Variants in PLEKHS1 observed in about 807,000 individuals in gnomAD.
The protein encoded by PLEKHS1 is pleckstrin homology domain containing S1, also known as pleckstrin homology domain-containing family S member 1.
A neutral mutation model predicts 51.0 loss-of-function variants in PLEKHS1; 55 were observed. That is an observed-to-expected ratio of 1.08 (90% CI 0.87 to 1.35). The LOEUF (loss-of-function observed/expected upper bound fraction) is 1.35. Ranked by LOEUF, PLEKHS1 falls within the 40% of genes most tolerant of loss-of-function variation. The pLI is 0.00. For missense variants in PLEKHS1, 398 were observed against 423.0 expected, an observed-to-expected ratio of 0.94 and a Z score of 0.52; for synonymous variants, 153 against 144.8, an observed-to-expected ratio of 1.06 and a Z score of -0.41.
At chr10:113,769,309 T>C (rs1471177542) in intron 6 of PLEKHS1, among the ~76,000 whole-genome samples, 1 of 152,260 alleles carries the variant, frequency 6.6e-6, no homozygotes, top group Non-Finnish European at 1.5e-5. Context: ...TTAGCAGTTT[T>C]AAGTTTTAAA....
At chr10:113,763,431 C>T (rs549420530) in intron 2 of PLEKHS1, among the ~76,000 whole-genome samples, 2 of 152,168 alleles carry the variant, frequency 1.3e-5, no homozygotes, top group African/African-American at 2.4e-5. Context: ...AGACCATTTA[C>T]GTTTAACATA....
intron 2 of PLEKHS1, among the ~76,000 whole-genome samples, chr10:113,762,365 C>CTTTTTTTTTTTTTTT (rs34457408): frequency 5.8e-4 from 36 of 61,786 alleles, no homozygotes; most frequent in East Asian, 1.5e-3. Flanking sequence ...AGATTTGTTC[C>CTTTTTTTTTTTTTTT]TTTTTTTTTT....
intron 2 of PLEKHS1, among the ~76,000 whole-genome samples, chr10:113,757,348 A>C (rs768434738): frequency 1.3e-5 from 2 of 152,222 alleles, no homozygotes; most frequent in Non-Finnish European, 2.9e-5. Context: ...GAGATATTTC[A>C]AGTTTGTTTC....
exon 12 of PLEKHS1, chr10:113,780,611 C>A: frequency 6.2e-7 from 1 of 1,613,220 alleles, no homozygotes; most frequent in Non-Finnish European, 8.5e-7. Flanking sequence ...GAAATTAAAG[C>A]TTACCATCGG....
intron 2 of PLEKHS1, among the ~76,000 whole-genome samples, chr10:113,759,814 G>A (rs992520180): frequency 3.3e-5 from 5 of 152,070 alleles, no homozygotes; most frequent in African/African-American, 1.2e-4. Context: ...TCATATGGTT[G>A]GAGTATGCTT....
At chr10:113,770,012 A>G in intron 7 of PLEKHS1, 112 bp downstream of exon 7, 1 of 784,522 alleles carries the variant, frequency 1.3e-6, no homozygotes, top group Admixed American at 1.8e-5. Flanking sequence ...TCAAAGCCCG[A>G]TGCACTATAA....
chr10:113,772,066 A>T (rs907835148), exon 8 of PLEKHS1: 1 of 1,612,794 alleles, frequency 6.2e-7, no homozygotes, highest in Non-Finnish European at 8.5e-7. Flanking sequence ...TCATTATCTT[A>T]CTCCTCGAAG....
intron 1 of PLEKHS1, among the ~76,000 whole-genome samples, chr10:113,752,610 G>T (rs1237788124): frequency 6.6e-6 from 1 of 152,162 alleles, no homozygotes; most frequent in Non-Finnish European, 1.5e-5. Context: ...GAGGTGTAGA[G>T]AAGTATTATA....
chr10:113,771,995 G>A lies in PLEKHS1; in HGVS notation c.578G>A (p.Gly193Glu), dbSNP rs1033066474. ...CATTTAATGGAACAAAGTTCTCCAG[G>A]ATTTAGGCAAACTCACCTACAAGAT... is the stretch of plus-strand genomic sequence containing the variant. Residue 193 changes from glycine (G) to glutamate (E), a missense_variant, in exon 8 of 12, where the codon GGA becomes GAA. Transcript: ENST00000361048. 6 of 1,613,022 alleles carry A rather than the reference G, an allele frequency of 3.7e-6. No individual in the cohort carries two copies. The highest frequency in any genetic ancestry group is 1.3e-5 in the African/African-American group (1 of 74,872).
chr10:113,756,062 AAGTTT>A (rs1301578899), intron 2 of PLEKHS1, among the ~76,000 whole-genome samples: 1 of 152,210 alleles, frequency 6.6e-6, no homozygotes, highest in Non-Finnish European at 1.5e-5. Context: ...TAGAAAAGCT[AAGTTT>A]AGGATGAAGT....
At chr10:113,754,980 T>C (rs2134461587) in intron 1 of PLEKHS1, among the ~76,000 whole-genome samples, 1 of 152,116 alleles carries the variant, frequency 6.6e-6, no homozygotes, top group South Asian at 2.1e-4. Flanking sequence ...ACAGAGAAAA[T>C]CCCAGGAAGA....
intron 8 of PLEKHS1, among the ~76,000 whole-genome samples, chr10:113,773,815 T>A (rs1844527567): frequency 6.6e-6 from 1 of 152,224 alleles, no homozygotes; most frequent in Non-Finnish European, 1.5e-5. Flanking sequence ...TGAAGCCACT[T>A]GGGCTGCCTG....
chr10:113,777,950 A>G (rs1231606763), intron 11 of PLEKHS1: 2 of 409,316 alleles, frequency 4.9e-6, no homozygotes, highest in East Asian at 1.2e-4. Flanking sequence ...TGATTGCACC[A>G]CTGCACTCCA....
At chr10:113,783,252 CAT>C (rs938699983), downstream of PLEKHS1, 76 of 150,442 alleles carry the variant, frequency 5.1e-4, no homozygotes, top group African/African-American at 1.7e-3. Flanking sequence ...AAAAAAAAAT[CAT>C]GTGGGTATTG....
chr10:113,778,643 CT>C (rs55821501), intron 11 of PLEKHS1, among the ~76,000 whole-genome samples: 4,892 of 127,020 alleles, frequency 0.039, 187 homozygotes, highest in African/African-American at 0.13. Context: ...CGTTCACTTT[CT>C]TTTTTTTTTT....
At chr10:113,768,276 G>A (rs1844251365) in intron 5 of PLEKHS1, among the ~76,000 whole-genome samples, 1 of 152,156 alleles carries the variant, frequency 6.6e-6, no homozygotes, top group Admixed American at 6.5e-5. Flanking sequence ...CTGCTTGAGG[G>A]AGAGGCAAAG....
At chr10:113,777,681 A>G in intron 11 of PLEKHS1, 1 of 1,529,210 alleles carries the variant, frequency 6.5e-7, no homozygotes, top group Non-Finnish European at 8.8e-7. Flanking sequence ...ACTGGCACAT[A>G]TTAGGTGCTC....
chr10:113,777,228 C>T (rs1303477293), intron 11 of PLEKHS1: 2 of 1,612,732 alleles, frequency 1.2e-6, no homozygotes, highest in African/African-American at 1.3e-5. Flanking sequence ...GAGGAGGTCT[C>T]CCTGTTTCTT....
At chr10:113,771,841 G>A in intron 7 of PLEKHS1, 129 bp from the exon 8 acceptor site, 1 of 1,085,720 alleles carries the variant, frequency 9.2e-7, no homozygotes, top group South Asian at 1.7e-5. Context: ...TGAGCTTCTG[G>A]ATGTAATCTT....
Sources: gnomAD v4.1 joint callset for allele counts (sites outside exome capture counted in the v4.1 genomes callset) on GRCh38, gnomAD v4.1.1 for gene constraint, MANE v1.5 for transcripts, NCBI Gene and HGNC (gene_info 2026-07-23, HGNC 2026-07-21) for gene names.